GPC5: variants seen among roughly 807,000 people sequenced by gnomAD.
GPC5 encodes the protein glypican-5.
A neutral mutation model predicts 53.9 loss-of-function variants in GPC5; 47 were observed. The observed-to-expected ratio is 0.87, with a 90% CI of 0.69 to 1.11. The LOEUF (loss-of-function observed/expected upper bound fraction) is 1.11, where lower values mean the gene tolerates loss of function less well. GPC5 is among the 50% of genes most tolerant of loss of function. GPC5 has a pLI of 0.00. For synonymous variants in GPC5, 286 were observed against 263.3 expected, an observed-to-expected ratio of 1.09 and a Z score of -0.84; for missense variants, 748 against 713.1, an observed-to-expected ratio of 1.05 and a Z score of -0.56.
At chr13:91,599,174 C>T (rs1432299020) in intron 2 of GPC5, among the ~76,000 whole-genome samples, 1 of 151,902 alleles carries the variant, frequency 6.6e-6, no homozygotes, top group East Asian at 1.9e-4. Context: ...TTAAAAATTT[C>T]CTATGAAATA....
At chr13:91,471,987 A>T (rs1882661131) in intron 2 of GPC5, among the ~76,000 whole-genome samples, 1 of 152,150 alleles carries the variant, frequency 6.6e-6, no homozygotes, top group Non-Finnish European at 1.5e-5. Context: ...TGCTGCTTAA[A>T]ATGCTATCTA....
chr13:91,665,746 C>T (rs143923086), intron 2 of GPC5, among the ~76,000 whole-genome samples: 1,573 of 152,218 alleles, frequency 0.01, 19 homozygotes, highest in Non-Finnish European at 0.01. Flanking sequence ...ACCTCGTGAT[C>T]TGCTGGTCTC....
At chr13:91,571,981 GTA>G (rs1165605439) in intron 2 of GPC5, among the ~76,000 whole-genome samples, 2 of 135,082 alleles carry the variant, frequency 1.5e-5, no homozygotes, top group East Asian at 2.1e-4. Flanking sequence ...GTGTATATAT[GTA>G]TATATGTGTA....
At chr13:92,851,833 A>C (rs926942806) in intron 7 of GPC5, among the ~76,000 whole-genome samples, 14 of 148,508 alleles carry the variant, frequency 9.4e-5, no homozygotes, top group Non-Finnish European at 1.9e-4. Context: ...GCTTGCAGTG[A>C]GCCAAGATGG....
chr13:92,352,590 A>G lies in GPC5; in HGVS notation c.1561+207601A>G, dbSNP rs1333702589. ...GCAGAAATAAAAACACATGTGGTCAATAAACATATGATAGGCAATAACATT... is the reference window on the plus strand; with the variant it reads ...GCAGAAATAAAAACACATGTGGTCAGTAAACATATGATAGGCAATAACATT... On this transcript the variant is annotated intron_variant, in intron 7 of 7. Transcript: ENST00000377067. Among the ~76,000 whole-genome samples, 3 of 152,306 alleles carry G rather than the reference A, an allele frequency of 2.0e-5. 1 individual carries two copies. Among genetic ancestry groups the G allele is most frequent in the Non-Finnish European group, 1.5e-5 (1 of 68,022 alleles).
At chr13:92,355,882 A>AT (rs57295384) in intron 7 of GPC5, among the ~76,000 whole-genome samples, 2,873 of 126,070 alleles carry the variant, frequency 0.023, 70 homozygotes, top group Admixed American at 0.071. Flanking sequence ...TGACCCTATC[A>AT]TTTTTTTTTT....
At chr13:92,311,936 T>C (rs1363994211) in intron 7 of GPC5, among the ~76,000 whole-genome samples, 2 of 152,104 alleles carry the variant, frequency 1.3e-5, no homozygotes, top group African/African-American at 2.4e-5. Flanking sequence ...AAAGCATGTG[T>C]GAAGACCCTC....
intron 7 of GPC5, among the ~76,000 whole-genome samples, chr13:92,345,536 C>A (rs1238349951): frequency 6.6e-6 from 1 of 152,126 alleles, no homozygotes; most frequent in African/African-American, 2.4e-5. Context: ...AAAAACCACG[C>A]ATCTTTTTGA....
chr13:92,695,440 G>A (rs917775307), intron 7 of GPC5, among the ~76,000 whole-genome samples: 2 of 152,002 alleles, frequency 1.3e-5, no homozygotes, highest in Non-Finnish European at 2.9e-5. Context: ...TATTTGATTA[G>A]CCTTTTCTAT....
At chr13:92,204,964 C>G (rs185722555) in intron 7 of GPC5, among the ~76,000 whole-genome samples, 6 of 151,772 alleles carry the variant, frequency 4.0e-5, no homozygotes. Context: ...CTGCAATCTC[C>G]GCCTCCTGGG....
chr13:92,836,217 A>G (rs1028887896), intron 7 of GPC5, among the ~76,000 whole-genome samples: 5 of 151,928 alleles, frequency 3.3e-5, no homozygotes, highest in African/African-American at 1.2e-4. Context: ...AGTTTTATTC[A>G]ATATTGTCCT....
intron 7 of GPC5, among the ~76,000 whole-genome samples, chr13:92,300,848 A>T (rs1926624): frequency 0.35 from 53,853 of 152,040 alleles, 10,048 homozygotes; most frequent in African/African-American, 0.48. Flanking sequence ...AATGTGAGTA[A>T]CTTTACTTTC....
intron 5 of GPC5, among the ~76,000 whole-genome samples, chr13:91,792,806 C>A (rs1182382319): frequency 6.6e-6 from 1 of 152,070 alleles, no homozygotes; most frequent in African/African-American, 2.4e-5. Flanking sequence ...GTATAAAATG[C>A]ATGTGGTTGC....
intron 7 of GPC5, among the ~76,000 whole-genome samples, chr13:92,282,681 C>A (rs1215889869): frequency 6.6e-6 from 1 of 152,100 alleles, no homozygotes; most frequent in Non-Finnish European, 1.5e-5. Context: ...GCTTTACAGA[C>A]AAGCAAATGC....
At chr13:92,103,322 T>G (rs1331685618) in intron 6 of GPC5, among the ~76,000 whole-genome samples, 1 of 152,210 alleles carries the variant, frequency 6.6e-6, no homozygotes, top group Admixed American at 6.5e-5. Flanking sequence ...AAAATTATGT[T>G]ATTTTAGCAT....
intron 7 of GPC5, among the ~76,000 whole-genome samples, chr13:92,561,289 G>A (rs551771351): frequency 2.0e-5 from 3 of 152,040 alleles, no homozygotes; most frequent in Admixed American, 6.6e-5. Context: ...TAACTAACAG[G>A]CATTTTAATT....
At chr13:92,162,306 A>G (rs1057036992) in intron 7 of GPC5, among the ~76,000 whole-genome samples, 1 of 152,050 alleles carries the variant, frequency 6.6e-6, no homozygotes, top group African/African-American at 2.4e-5. Context: ...CCATCCATTC[A>G]TTTATTCATT....
chr13:91,668,737 T>C (rs2035176547), intron 2 of GPC5, among the ~76,000 whole-genome samples: 1 of 152,208 alleles, frequency 6.6e-6, no homozygotes, highest in East Asian at 1.9e-4. Context: ...CAGTTGGTTC[T>C]TATTAATCAT....
At chr13:92,511,413 TC>T (rs1386098937) in intron 7 of GPC5, among the ~76,000 whole-genome samples, 1 of 152,234 alleles carries the variant, frequency 6.6e-6, no homozygotes, top group Non-Finnish European at 1.5e-5. Flanking sequence ...TTTGTCTCTC[TC>T]CAGAAATATT....
Sources: allele counts gnomAD v4.1 joint callset (sites outside exome capture counted in the v4.1 genomes callset), GRCh38; gene constraint gnomAD v4.1.1; transcripts MANE v1.5; gene names NCBI Gene and HGNC (gene_info 2026-07-23, HGNC 2026-07-21).